The following TGFBR3 variants were observed in gnomAD, a reference collection of about 807,000 sequenced individuals.
TGFBR3 encodes transforming growth factor beta receptor 3.
A neutral mutation model predicts 87.9 loss-of-function variants in TGFBR3; 46 were observed. That is an observed-to-expected ratio of 0.52 (90% CI 0.41 to 0.67). TGFBR3 has a LOEUF of 0.67. TGFBR3 is among the 30% of genes least tolerant of loss of function. The pLI is 0.00. For missense variants in TGFBR3, 866 were observed against 1,041.9 expected (o/e 0.83, Z 2.32); for synonymous variants, 381 against 391.6 (o/e 0.97, Z 0.32).
Position 91,712,562 on chromosome 1 carries a change from T to G in TGFBR3, c.1867-20A>C. 1 of 1,613,406 alleles carries G rather than the reference T, an allele frequency of 6.2e-7. No individual in the cohort carries two copies. The highest frequency in any genetic ancestry group is 8.5e-7 in the Non-Finnish European group (1 of 1,179,554). ...AGATACCTATGAAAGAACAGAAAGA[T>G]GAATTAGGAAATGAGTTAGCATCTC... On this transcript the variant is annotated intron_variant, in intron 12 of 16. Coordinates refer to ENST00000212355, the MANE Select transcript of TGFBR3 (RefSeq NM_003243.5).
At chr1:91,786,348 A>G in intron 3 of TGFBR3, 1 of 426,628 alleles carries the variant, frequency 2.3e-6, no homozygotes, top group Non-Finnish European at 4.7e-6. Context: ...CAGTCCCAGG[A>G]GACCAGTTAA....
chr1:91,786,026 A>AGT (rs1272636473), intron 3 of TGFBR3, among the ~76,000 whole-genome samples: 1 of 152,098 alleles, frequency 6.6e-6, no homozygotes, highest in Admixed American at 6.5e-5. Context: ...AGCCTCCCAA[A>AGT]GTGCTGAGAT....
chr1:91,723,647 T>C (rs1316521479), intron 7 of TGFBR3, among the ~76,000 whole-genome samples: 1 of 152,118 alleles, frequency 6.6e-6, no homozygotes, highest in Admixed American at 6.5e-5. Context: ...TGCTGACTCC[T>C]GTGGCAGTGC....
intron 2 of TGFBR3, among the ~76,000 whole-genome samples, chr1:91,839,084 C>T (rs1459196695): frequency 6.6e-6 from 1 of 151,900 alleles, no homozygotes; most frequent in Non-Finnish European, 1.5e-5. Flanking sequence ...CTCAAGAGAT[C>T]CTCTCACCTC....
At chr1:91,751,905 T>C (rs1368084134) in intron 4 of TGFBR3, among the ~76,000 whole-genome samples, 1 of 152,216 alleles carries the variant, frequency 6.6e-6, no homozygotes, top group South Asian at 2.1e-4. Context: ...CAAATTAAAT[T>C]GGGATATAAC....
intron 2 of TGFBR3, among the ~76,000 whole-genome samples, chr1:91,800,129 T>C (rs1020019134): frequency 6.0e-5 from 9 of 151,132 alleles, no homozygotes; most frequent in Admixed American, 5.3e-4. Flanking sequence ...CAATGGCTCA[T>C]GCCTGTAACA....
At position 91,788,797 on chromosome 1, in the gene TGFBR3, T is replaced by C. The variant is rs142774227; in HGVS notation, c.246+8490A>G. The stretch of plus-strand genomic sequence containing the variant: ...CTTTTTTTTAATACTCTCCCAAAAG[T>C]TCTAAGAGCAAAATGTCACATTTTT... On this transcript the variant is annotated intron_variant, in intron 3 of 16. Transcript: ENST00000212355. Among the ~76,000 whole-genome samples the C allele has an allele frequency of 7.2e-5, 11 of 152,282 alleles. No homozygotes were observed. In the East Asian group the frequency reaches 2.1e-3, roughly 29 times the overall value.
At chr1:91,888,882 T>C (rs1679388923), upstream of TGFBR3, among the ~76,000 whole-genome samples, 2 of 151,978 alleles carry the variant, frequency 1.3e-5, no homozygotes, top group Non-Finnish European at 2.9e-5. Flanking sequence ...TTCTTTTTTG[T>C]TTGTTTGTTT....
intron 2 of TGFBR3, among the ~76,000 whole-genome samples, chr1:91,805,642 A>G (rs1675799775): frequency 6.6e-6 from 1 of 152,214 alleles, no homozygotes; most frequent in Non-Finnish European, 1.5e-5. Context: ...TCGGGTGCTC[A>G]GCAGCTGGGC....
chr1:91,745,983 T>G (rs901048815), intron 4 of TGFBR3, among the ~76,000 whole-genome samples: 1 of 152,342 alleles, frequency 6.6e-6, no homozygotes, highest in South Asian at 2.1e-4. Flanking sequence ...TAAAATGACT[T>G]AAAACATATT....
At chr1:91,728,058 T>C (rs755513472) in intron 6 of TGFBR3, 3 of 533,266 alleles carry the variant, frequency 5.6e-6, no homozygotes, top group African/African-American at 1.9e-5. Flanking sequence ...GGAAAAGAGG[T>C]GGTTACTTAA....
chr1:91,833,601 C>T (rs1676945657), intron 2 of TGFBR3, among the ~76,000 whole-genome samples: 1 of 150,904 alleles, frequency 6.6e-6, no homozygotes, highest in Non-Finnish European at 1.5e-5. Context: ...AACCCCACAT[C>T]TACTAAAAAT....
chr1:91,765,271 G>A (rs1674138188), intron 3 of TGFBR3, among the ~76,000 whole-genome samples: 1 of 148,428 alleles, frequency 6.7e-6, no homozygotes, highest in Non-Finnish European at 1.5e-5. Context: ...GCACAGGGCA[G>A]GACATCTAGT....
In TGFBR3 at chr1:91,758,651, T is replaced by C. The variant is rs750438019; in HGVS notation, c.346A>G (p.Thr116Ala). The change falls in exon 4 of 17, where the codon ACA (threonine) becomes GCA (alanine). Residue 116 changes from threonine to alanine, a missense_variant. Coordinates refer to ENST00000212355, the MANE Select transcript of TGFBR3 (RefSeq NM_003243.5). ...GAGACCCCAGTGGCAAGTCTCTCTG[T>C]CTTCAGATGCCACACCAGGGGGTGT... ...SPHPLVWHLK[T>A]ERLATGVSRL... 1.6e-5 allele frequency: 26 copies of C among 1,613,806 alleles called. No individual in the cohort carries two copies. The highest frequency in any genetic ancestry group is 2.1e-5 in the Non-Finnish European group (25 of 1,179,930).
In TGFBR3 at chr1:91,697,054, A is replaced by G. The variant is rs929764935; in HGVS notation, c.2329+1035T>C. Among the ~76,000 whole-genome samples the G allele has an allele frequency of 2.3e-4, 35 of 152,152 alleles. 1 individual carries two copies. The highest frequency in any genetic ancestry group is 8.2e-4 in the African/African-American group (34 of 41,412). The stretch of plus-strand genomic sequence containing the variant: ...GTCACCTGCTGAAGTCAGGTGGAGG[A>G]AGAGGTGGGAAGAGCTCCCTGGAGG... On this transcript the variant is annotated intron_variant, in intron 15 of 16. Transcript: ENST00000212355.
intron 4 of TGFBR3, among the ~76,000 whole-genome samples, chr1:91,749,978 T>A (rs1673480157): frequency 6.6e-6 from 1 of 152,138 alleles, no homozygotes; most frequent in South Asian, 2.1e-4. Context: ...CAGATTAGCC[T>A]TAGACAATAA....
intron 2 of TGFBR3, among the ~76,000 whole-genome samples, chr1:91,832,668 T>C (rs1676891596): frequency 6.6e-6 from 1 of 152,140 alleles, no homozygotes; most frequent in Admixed American, 6.5e-5. Context: ...CAGTCCAGCC[T>C]CCTGGGTTCC....
Position 91,861,552 on chromosome 1 carries a change from G to A in TGFBR3, c.-21C>T, listed in dbSNP as rs1678187575. The A allele has an allele frequency of 1.9e-6, 3 of 1,599,858 alleles. No homozygotes were observed. Among genetic ancestry groups the A allele is most frequent in the East Asian group, 2.2e-5 (1 of 44,804 alleles). ...GTCATTTTTATTTCTCCAACAGTGC[G>A]TCTCGTCCAGTCACTTCAGCCTGCT... On this transcript the variant is annotated 5_prime_UTR_variant, in exon 2 of 17. The change creates a new upstream start codon in the 5' untranslated region. Transcript: ENST00000212355.
intron 1 of TGFBR3, among the ~76,000 whole-genome samples, chr1:91,871,784 C>T (rs1305618314): frequency 6.6e-6 from 1 of 152,058 alleles, no homozygotes; most frequent in East Asian, 1.9e-4. Flanking sequence ...AGTGCGGGGC[C>T]CCCATAGCCT....
Sources: allele counts gnomAD v4.1 joint callset (sites outside exome capture counted in the v4.1 genomes callset), GRCh38; gene constraint gnomAD v4.1.1; transcripts MANE v1.5; gene names NCBI Gene and HGNC (gene_info 2026-07-23, HGNC 2026-07-21).